SLC14A1: variants seen among roughly 807,000 people sequenced by gnomAD.
SLC14A1 encodes the protein urea transporter 1.
In SLC14A1, 36 loss-of-function variants were observed where a neutral mutation model predicts 39.6. The ratio of observed to expected loss-of-function variants is 0.91; its 90% confidence interval spans 0.70 to 1.20. SLC14A1 has a LOEUF of 1.20. Ranked by LOEUF, SLC14A1 falls within the 50% of genes most tolerant of loss-of-function variation. SLC14A1 has a pLI of 0.00. For synonymous variants in SLC14A1, 164 were observed against 173.6 expected (o/e 0.94, Z 0.43); for missense variants, 469 against 478.7 (o/e 0.98, Z 0.19).
At chr18:45,732,124 T>C (rs1051000369) in intron 4 of SLC14A1, among the ~76,000 whole-genome samples, 2 of 152,264 alleles carry the variant, frequency 1.3e-5, no homozygotes, top group Non-Finnish European at 2.9e-5. Context: ...TACTGAATAT[T>C]CCTTTATGAT....
At chr18:45,727,808 G>T (rs1340893877) in intron 2 of SLC14A1, among the ~76,000 whole-genome samples, 1 of 152,220 alleles carries the variant, frequency 6.6e-6, no homozygotes, top group African/African-American at 2.4e-5. Context: ...CAGTTAGGAT[G>T]TAAGGACTCT....
chr18:45,729,428 TATC>T (rs2046963770), intron 2 of SLC14A1: 2 of 152,238 alleles, frequency 1.3e-5, no homozygotes, highest in African/African-American at 4.8e-5. Flanking sequence ...TGCAGCTACT[TATC>T]ATGAGAAGTG....
chr18:45,742,240 G>A (rs1045302785), intron 8 of SLC14A1, among the ~76,000 whole-genome samples: 5 of 152,102 alleles, frequency 3.3e-5, no homozygotes, highest in Non-Finnish European at 7.3e-5. Flanking sequence ...GTGCAGGCCA[G>A]CATGGGGACA....
intron 6 of SLC14A1, among the ~76,000 whole-genome samples, chr18:45,737,091 C>T (rs1027781570): frequency 6.6e-6 from 1 of 152,214 alleles, no homozygotes; most frequent in Non-Finnish European, 1.5e-5. Context: ...TGGCATAGCT[C>T]ATAGAACATC....
chr18:45,751,438 AGT>A lies in SLC14A1; in HGVS notation c.*1488_*1489del. On this transcript the variant is annotated 3_prime_UTR_variant, in exon 10 of 10. Transcript: ENST00000321925. Reference sequence around the variant, plus strand: ...CCTGTTTTCCTCTCTTTAATTTTAAAGTTATCAGTTCCGTAAAGTCTCTGTAA... The same window carrying A: ...CCTGTTTTCCTCTCTTTAATTTTAAATATCAGTTCCGTAAAGTCTCTGTAA... The A allele has an allele frequency of 1.0e-6, 1 of 985,238 alleles. No individual in the cohort carries two copies. The highest frequency in any genetic ancestry group is 1.2e-6 in the Non-Finnish European group (1 of 829,898). The allele number at this position is 985,238 out of a possible 1,614,324, so 61.0% of individuals were successfully genotyped here.
chr18:45,743,544 C>T (rs1347228488), intron 8 of SLC14A1, among the ~76,000 whole-genome samples: 1 of 152,150 alleles, frequency 6.6e-6, no homozygotes, highest in Non-Finnish European at 1.5e-5. Context: ...TGAATGTAAG[C>T]AAATTACTTA....
In SLC14A1 at chr18:45,734,306, ATGCCACCC is replaced by A. The variant is rs1334311629; in HGVS notation, c.377_384del (p.Ala126GlyfsTer88). 1.2e-6 allele frequency: 2 copies of A among 1,614,078 alleles called. No individual in the cohort carries two copies. On this transcript the variant is annotated frameshift_variant, in exon 5 of 10. Coordinates refer to ENST00000321925, the MANE Select transcript of SLC14A1 (RefSeq NM_015865.7). LOFTEE classifies it high-confidence loss of function. ...ATAGCATCTGGGCTCTATGGCTACA[ATGCCACCC>A]TGGTGGGAGTACTCATGGCTGTCTT...
chr18:45,743,291 T>A (rs1443878748), intron 8 of SLC14A1, among the ~76,000 whole-genome samples: 1 of 152,234 alleles, frequency 6.6e-6, no homozygotes, highest in Non-Finnish European at 1.5e-5. Flanking sequence ...TCACAGCTGC[T>A]GCTAATTCCC....
At chr18:45,742,305 C>T (rs1350598906) in intron 8 of SLC14A1, among the ~76,000 whole-genome samples, 3 of 149,816 alleles carry the variant, frequency 2.0e-5, no homozygotes, top group Non-Finnish European at 4.4e-5. Flanking sequence ...CAGGAGATGG[C>T]GACGAGGTTT....
intron 6 of SLC14A1, among the ~76,000 whole-genome samples, chr18:45,738,546 G>C (rs1488845206): frequency 1.3e-5 from 2 of 152,202 alleles, no homozygotes; most frequent in Admixed American, 6.5e-5. Context: ...TTCATAACTA[G>C]AATAAGCTAA....
intron 2 of SLC14A1, among the ~76,000 whole-genome samples, chr18:45,727,585 A>G (rs2046908798): frequency 6.6e-6 from 1 of 152,210 alleles, no homozygotes; most frequent in Non-Finnish European, 1.5e-5. Flanking sequence ...CTTGGTTTAG[A>G]GGCTAGACCA....
chr18:45,744,161 C>A lies in SLC14A1; in HGVS notation c.947-4215C>A, dbSNP rs1049024257. Among the ~76,000 whole-genome samples the A allele has an allele frequency of 3.9e-5, 6 of 152,228 alleles. No homozygotes were observed. The South Asian group carries it at 1.2e-3, about 32-fold the overall frequency. On this transcript the variant is annotated intron_variant, in intron 8 of 9. Coordinates refer to ENST00000321925, the MANE Select transcript of SLC14A1 (RefSeq NM_015865.7). ...CCAAGTAGCTGGGATTACAGACATG[C>A]ACCACCATGCCCAGCTAATTTTTTG...
In SLC14A1 at chr18:45,737,716, G is replaced by A. The variant is rs551542340; in HGVS notation, c.663+1068G>A. The A allele has an allele frequency of 2.0e-5, 3 of 152,304 alleles. No homozygotes were observed. In the East Asian group the frequency reaches 5.8e-4, roughly 29 times the overall value. 9.4% of individuals were successfully genotyped at this position (152,304 alleles called of 1,614,324 possible). On this transcript the variant is annotated intron_variant, in intron 6 of 9. Transcript: ENST00000321925. ...AACACAGGAGCCTCTAGCCCCATGT[G>A]GCTATATAAATTTAGATGTAGATTA...
chr18:45,731,324 A>T, intron 4 of SLC14A1, 120 bp downstream of exon 4: 1 of 962,458 alleles, frequency 1.0e-6, no homozygotes, highest in East Asian at 2.5e-5. Flanking sequence ...TAGTCCACAG[A>T]ACTGTTTATA....
chr18:45,727,706 T>C (rs1472737259), intron 2 of SLC14A1, among the ~76,000 whole-genome samples: 5 of 152,226 alleles, frequency 3.3e-5, no homozygotes, highest in African/African-American at 4.8e-5. Flanking sequence ...TTGTCCCTTC[T>C]TCTTAGTTGA....
At position 45,751,595 on chromosome 18, in the gene SLC14A1, T is replaced by A; in HGVS notation, c.*1644T>A. On this transcript the variant is annotated 3_prime_UTR_variant, in exon 10 of 10. Coordinates refer to ENST00000321925, the MANE Select transcript of SLC14A1 (RefSeq NM_015865.7). ...GAGTTCAAGACCAGCTTGGGCAACA[T>A]AGCAAGACTCCATCTCTTAAAAAAT... The A allele has an allele frequency of 5.3e-6, 4 of 756,508 alleles. No individual in the cohort carries two copies. The South Asian group carries it at 2.4e-4, about 46-fold the overall frequency. 46.9% of individuals were successfully genotyped at this position (756,508 alleles called of 1,614,324 possible). A position where few individuals can be genotyped will look rare whatever the true frequency, so the allele number is the denominator to read the frequency against.
intron 3 of SLC14A1, among the ~76,000 whole-genome samples, chr18:45,730,813 T>C (rs1599256113): frequency 1.3e-5 from 2 of 152,268 alleles, no homozygotes; most frequent in Admixed American, 1.3e-4. Context: ...GGAGGGGCAG[T>C]GTGGGTTGAG....
At position 45,751,735 on chromosome 18, in the gene SLC14A1, T is replaced by G; in HGVS notation, c.*1784T>G. 1.9e-6 allele frequency: 1 copy of G among 538,806 alleles called. No homozygotes were observed. The highest frequency in any genetic ancestry group is 2.4e-6 in the Non-Finnish European group (1 of 423,166). The allele number at this position is 538,806 out of a possible 1,614,324, so 33.4% of individuals were successfully genotyped here. The stretch of plus-strand genomic sequence containing the variant: ...TTCGAGGCTGCAGTGAGCTATATGA[T>G]CATGTCACTGCACTCCAGCCTGTGT... On this transcript the variant is annotated 3_prime_UTR_variant, in exon 10 of 10. Coordinates refer to ENST00000321925, the MANE Select transcript of SLC14A1 (RefSeq NM_015865.7).
chr18:45,730,917 C>T (rs1298892744), intron 3 of SLC14A1, 98 bp from the exon 4 acceptor site: 14 of 1,019,378 alleles, frequency 1.4e-5, no homozygotes, highest in East Asian at 2.4e-5. Flanking sequence ...AAATGTTTCA[C>T]TTCCAGGAGG....
Sources: allele counts gnomAD v4.1 joint callset (sites outside exome capture counted in the v4.1 genomes callset), GRCh38; gene constraint gnomAD v4.1.1; transcripts MANE v1.5; gene names NCBI Gene and HGNC (gene_info 2026-07-23, HGNC 2026-07-21).